ANKRD46: variants seen among roughly 807,000 people sequenced by gnomAD.
ANKRD46 encodes ankyrin repeat domain 46.
ANKRD46 carries 13 observed loss-of-function variants against 19.8 expected under a neutral mutation model. The ratio of observed to expected loss-of-function variants is 0.66; its 90% CI spans 0.43 to 1.04. The LOEUF (loss-of-function observed/expected upper bound fraction) is 1.04. Ranked by LOEUF, ANKRD46 falls within the 50% of genes least tolerant of loss-of-function variation. The pLI, the probability that ANKRD46 is intolerant of heterozygous loss-of-function variation, is 0.00. For missense variants in ANKRD46, 185 were observed against 274.8 expected (o/e 0.67, Z 2.31); for synonymous variants, 91 against 106.9 (o/e 0.85, Z 0.92).
At chr8:100,540,089 T>C (rs1255332997) in intron 1 of ANKRD46, among the ~76,000 whole-genome samples, 2 of 152,238 alleles carry the variant, frequency 1.3e-5, no homozygotes, top group Non-Finnish European at 2.9e-5. Context: ...ATTTATTAAG[T>C]TATACTGCAG....
chr8:100,555,937 GGTATTTTACTGC>G (rs1239667276), intron 1 of ANKRD46, among the ~76,000 whole-genome samples: 1 of 151,996 alleles, frequency 6.6e-6, no homozygotes, highest in East Asian at 1.9e-4. Flanking sequence ...GTGTAAATCT[GGTATTTTACTGC>G]GTACCTTGAT....
Position 100,520,962 on chromosome 8 carries a change from G to A in ANKRD46, c.*1593C>T, listed in dbSNP as rs1483969715. ...AAAGCTAATTCCAAAGTTTTCTTCT[G>A]AATATACTTCAAATTTGAATTGTAG... On this transcript the variant is annotated 3_prime_UTR_variant, in exon 5 of 5. Transcript: ENST00000335659. 3.0e-6 allele frequency: 3 copies of A among 984,914 alleles called. No homozygotes were observed. The African/African-American group carries it at 5.3e-5, about 17-fold the overall frequency. The allele number at this position is 984,914 out of a possible 1,614,324, so 61.0% of individuals were successfully genotyped here. A position where few individuals can be genotyped will look rare whatever the true frequency, so the allele number is the denominator to read the frequency against.
Position 100,521,434 on chromosome 8 carries a change from A to G in ANKRD46, c.*1121T>C. 7 of 985,456 alleles carry G rather than the reference A, an allele frequency of 7.1e-6. No individual in the cohort carries two copies. The highest frequency in any genetic ancestry group is 8.4e-6 in the Non-Finnish European group (7 of 829,934). 61.0% of individuals were successfully genotyped at this position (985,456 alleles called of 1,614,324 possible). A position where few individuals can be genotyped will look rare whatever the true frequency, so the allele number is the denominator to read the frequency against. ...AGAATCATTAACAAAAGAGGCCTTCAAACATACTGCTGAAAGCTGCAATAT... is the reference window on the plus strand; with the variant it reads ...AGAATCATTAACAAAAGAGGCCTTCGAACATACTGCTGAAAGCTGCAATAT... On this transcript the variant is annotated 3_prime_UTR_variant, in exon 5 of 5. Transcript: ENST00000335659.
In ANKRD46 at chr8:100,523,555, T is replaced by C. The variant is rs530417853; in HGVS notation, c.471-784A>G. ...TAATTTAGTTCAATAATCTGACCAATGAAGGAATTCCTTCTTTAATTGTAA... is the reference window on the plus strand; with the variant it reads ...TAATTTAGTTCAATAATCTGACCAACGAAGGAATTCCTTCTTTAATTGTAA... On this transcript the variant is annotated intron_variant, in intron 4 of 4. Coordinates refer to ENST00000335659, the MANE Select transcript of ANKRD46 (RefSeq NM_001270377.2). Among the ~76,000 whole-genome samples the C allele has an allele frequency of 3.6e-4, 55 of 152,282 alleles. 1 individual carries two copies. The South Asian group carries it at 0.011, about 31-fold the overall frequency.
At chr8:100,514,200 A>G (rs1332649131) in intron 5 of ANKRD46, among the ~76,000 whole-genome samples, 1 of 152,236 alleles carries the variant, frequency 6.6e-6, no homozygotes, top group Admixed American at 6.5e-5. Context: ...AGGGACACAT[A>G]AAAACACAAA....
At position 100,521,382 on chromosome 8, in the gene ANKRD46, C is replaced by T. The variant is rs1326104781; in HGVS notation, c.*1173G>A. On this transcript the variant is annotated 3_prime_UTR_variant, in exon 5 of 5. Coordinates refer to ENST00000335659, the MANE Select transcript of ANKRD46 (RefSeq NM_001270377.2). ...TCAAGCCTTCATATTCTTTTTTAAC[C>T]ACTCAAGAACATAATTCATACATTA... The T allele has an allele frequency of 2.0e-6, 2 of 985,156 alleles. No individual in the cohort carries two copies. Among genetic ancestry groups the T allele is most frequent in the Non-Finnish European group, 2.4e-6 (2 of 829,898 alleles). The allele number at this position is 985,156 out of a possible 1,614,324, so 61.0% of individuals were successfully genotyped here. A position where few individuals can be genotyped will look rare whatever the true frequency, so the allele number is the denominator to read the frequency against.
At chr8:100,541,424 T>C (rs1483938070) in intron 1 of ANKRD46, among the ~76,000 whole-genome samples, 2 of 152,196 alleles carry the variant, frequency 1.3e-5, no homozygotes, top group African/African-American at 2.4e-5. Context: ...TTAACTGTAG[T>C]AGTCACGTGT....
chr8:100,539,173 G>A (rs1386529965), intron 1 of ANKRD46, among the ~76,000 whole-genome samples: 1 of 152,150 alleles, frequency 6.6e-6, no homozygotes, highest in Non-Finnish European at 1.5e-5. Flanking sequence ...AACTAGGATG[G>A]ACTTAAGTTC....
chr8:100,518,509 C>T (rs1432898201), downstream of ANKRD46, among the ~76,000 whole-genome samples: 1 of 152,034 alleles, frequency 6.6e-6, no homozygotes, highest in Non-Finnish European at 1.5e-5. Context: ...GTCGAATCTT[C>T]CCTTAATTAT....
rs1453727004 is a variant in ANKRD46, at chr8:100,543,118, T to A, written c.-130-9807A>T. Among the ~76,000 whole-genome samples the A allele has an allele frequency of 1.3e-5, 2 of 152,146 alleles. No homozygotes were observed. Among genetic ancestry groups the A allele is most frequent in the African/African-American group, 4.8e-5 (2 of 41,454 alleles). The stretch of plus-strand genomic sequence containing the variant: ...TGCCCAGAGACCAGACACCTGCCCA[T>A]TGTGACTAACATGGGAAAGAATTGT... On this transcript the variant is annotated intron_variant, in intron 1 of 4. Coordinates refer to ENST00000335659, the MANE Select transcript of ANKRD46 (RefSeq NM_001270377.2). The surrounding 1 kb of genome is among the most constrained non-coding windows in gnomAD (Gnocchi z 4.2).
At chr8:100,530,388 A>AG (rs1238737988) in intron 2 of ANKRD46, among the ~76,000 whole-genome samples, 52 of 62,218 alleles carry the variant, frequency 8.4e-4, no homozygotes, top group African/African-American at 3.4e-3. Flanking sequence ...TTTATAGCAC[A>AG]ATTTTTTTTT....
Position 100,510,865 on chromosome 8 carries a change from T to A in ANKRD46, c.637-226A>T, listed in dbSNP as rs932618400. On this transcript the variant is annotated intron_variant, in intron 5 of 5. Coordinates refer to the ANKRD46 transcript ENST00000520552. This position sits in a 1 kb window ranked among gnomAD's most constrained non-coding sequence, Gnocchi z 4.9. ...AGGCTGGGAAGATTGGCAAGGACTG[T>A]GTTCAATGTCCTCTCGAGCTAATAA... Among the ~76,000 whole-genome samples, 4 of 152,162 alleles carry A rather than the reference T, an allele frequency of 2.6e-5. No individual in the cohort carries two copies. Among genetic ancestry groups the A allele is most frequent in the African/African-American group, 9.7e-5 (4 of 41,432 alleles).
At chr8:100,547,485 T>G (rs1812296025) in intron 1 of ANKRD46, among the ~76,000 whole-genome samples, 1 of 152,202 alleles carries the variant, frequency 6.6e-6, no homozygotes. Flanking sequence ...CAACTGAACT[T>G]CTTTTGTTTA....
intron 1 of ANKRD46, among the ~76,000 whole-genome samples, chr8:100,541,709 T>G (rs1191456266): frequency 6.6e-6 from 1 of 152,238 alleles, no homozygotes; most frequent in East Asian, 1.9e-4. Context: ...CCACACGTTC[T>G]AGTCCTATTC....
At chr8:100,519,298 G>C (rs1811684434), downstream of ANKRD46, among the ~76,000 whole-genome samples, 1 of 152,164 alleles carries the variant, frequency 6.6e-6, no homozygotes. Flanking sequence ...GGAGTCACAG[G>C]AAAGACGGTC....
At chr8:100,538,960 T>C (rs1812119972) in intron 1 of ANKRD46, among the ~76,000 whole-genome samples, 2 of 152,204 alleles carry the variant, frequency 1.3e-5, no homozygotes, top group Admixed American at 1.3e-4. Flanking sequence ...TTGTCCTGTA[T>C]TTTTCCTATC....
chr8:100,515,684 G>A (rs1735432269), intron 5 of ANKRD46, among the ~76,000 whole-genome samples: 1 of 151,434 alleles, frequency 6.6e-6, no homozygotes, highest in Non-Finnish European at 1.5e-5. Flanking sequence ...TGATGGCAGC[G>A]TGTGAGGGAG....
rs907370275 is a variant in ANKRD46, at chr8:100,537,826, C to T, written c.-130-4515G>A. On this transcript the variant is annotated intron_variant, in intron 1 of 4. Transcript: ENST00000335659. This position sits in a 1 kb window ranked among gnomAD's most constrained non-coding sequence, Gnocchi z 4.2. ...GCAACTCTTTCTCTAATAGAGTGAT[C>T]TTAATTCCCAAGGCCCACAGACATT... is the stretch of plus-strand genomic sequence containing the variant. Among the ~76,000 whole-genome samples the T allele has an allele frequency of 6.6e-6, 1 of 152,306 alleles. No homozygotes were observed.
At chr8:100,542,975 C>T (rs1812202470) in intron 1 of ANKRD46, among the ~76,000 whole-genome samples, 1 of 152,148 alleles carries the variant, frequency 6.6e-6, no homozygotes, top group African/African-American at 2.4e-5. Flanking sequence ...AAATGGTAAT[C>T]TGTGAGTTAG....
Sources: gnomAD v4.1 joint callset for allele counts (sites outside exome capture counted in the v4.1 genomes callset) on GRCh38, gnomAD v4.1.1 for gene constraint, Gnocchi (gnomAD v3.1) non-coding constraint, MANE v1.5 for transcripts, NCBI Gene and HGNC (gene_info 2026-07-23, HGNC 2026-07-21) for gene names.